Variants in MOXD1 observed in about 807,000 individuals in gnomAD.
The protein encoded by MOXD1 is DBH-like monooxygenase protein 1.
In MOXD1, 62 loss-of-function variants were observed where a neutral mutation model predicts 66.6. The observed-to-expected ratio is 0.93, with a 90% CI of 0.76 to 1.15. MOXD1 has a LOEUF of 1.15. Among genes scored for constraint, MOXD1 ranks in the 50% most tolerant of loss-of-function variants. MOXD1 has a pLI of 0.00. For missense variants in MOXD1, 847 were observed against 754.6 expected (o/e 1.12, Z -1.44); for synonymous variants, 303 against 281.9 (o/e 1.07, Z -0.75).
At chr6:132,358,368 C>T (rs1168834366) in intron 4 of MOXD1, among the ~76,000 whole-genome samples, 1 of 152,180 alleles carries the variant, frequency 6.6e-6, no homozygotes, top group Non-Finnish European at 1.5e-5. Context: ...TTAAACAAGG[C>T]TAGGTTCCCA....
At chr6:132,356,599 A>G (rs1244103983) in intron 4 of MOXD1, among the ~76,000 whole-genome samples, 1 of 152,204 alleles carries the variant, frequency 6.6e-6, no homozygotes, top group African/African-American at 2.4e-5. Context: ...TGGTAGCAAA[A>G]AGCTTACAAC....
At chr6:132,332,313 C>T (rs755677014) in intron 4 of MOXD1, among the ~76,000 whole-genome samples, 4 of 151,502 alleles carry the variant, frequency 2.6e-5, no homozygotes, top group African/African-American at 4.9e-5. Flanking sequence ...GTACTGATCA[C>T]GGGAGGAGAG....
chr6:132,377,366 A>G (rs1298055609), intron 1 of MOXD1, among the ~76,000 whole-genome samples: 1 of 152,218 alleles, frequency 6.6e-6, no homozygotes, highest in Non-Finnish European at 1.5e-5. Context: ...ATTTCATTAC[A>G]TGATCCAAGC....
chr6:132,367,565 C>G (rs1020042462), intron 4 of MOXD1, among the ~76,000 whole-genome samples: 1 of 152,048 alleles, frequency 6.6e-6, no homozygotes, highest in African/African-American at 2.4e-5. Context: ...AAGCCTGATA[C>G]TGCATCCTTT....
At chr6:132,322,136 C>T (rs1358464333) in intron 8 of MOXD1, among the ~76,000 whole-genome samples, 2 of 152,182 alleles carry the variant, frequency 1.3e-5, no homozygotes, top group Admixed American at 6.5e-5. Context: ...AGCATTATAA[C>T]CTTTTTAAAG....
chr6:132,381,668 G>C (rs546569031), intron 1 of MOXD1, among the ~76,000 whole-genome samples: 5 of 152,198 alleles, frequency 3.3e-5, no homozygotes, highest in East Asian at 3.9e-4. Context: ...GTCTGACAAA[G>C]GGATAAATGT....
intron 10 of MOXD1, among the ~76,000 whole-genome samples, chr6:132,307,053 C>A (rs1309199969): frequency 1.3e-5 from 2 of 151,994 alleles, no homozygotes; most frequent in Non-Finnish European, 2.9e-5. Flanking sequence ...GCTAAAGGCC[C>A]CAATTAAAAG....
chr6:132,361,644 A>T (rs1776020520), intron 4 of MOXD1, among the ~76,000 whole-genome samples: 1 of 152,126 alleles, frequency 6.6e-6, no homozygotes, highest in Non-Finnish European at 1.5e-5. Context: ...CTTTTCCCAA[A>T]ACACAGCAAC....
chr6:132,297,596 A>T (rs925452225), intron 11 of MOXD1, among the ~76,000 whole-genome samples, 191 bp downstream of exon 11: 1 of 152,150 alleles, frequency 6.6e-6, no homozygotes, highest in African/African-American at 2.4e-5. Flanking sequence ...TTTAGAACTA[A>T]TTTTTCTCTT....
At chr6:132,354,878 T>C (rs905161233) in intron 4 of MOXD1, among the ~76,000 whole-genome samples, 1 of 152,134 alleles carries the variant, frequency 6.6e-6, no homozygotes, top group African/African-American at 2.4e-5. Flanking sequence ...TGGAGTCATC[T>C]ACCTAGGAGG....
intron 4 of MOXD1, among the ~76,000 whole-genome samples, chr6:132,370,209 A>G (rs1477631261): frequency 6.6e-6 from 1 of 152,076 alleles, no homozygotes; most frequent in Non-Finnish European, 1.5e-5. Context: ...GGAGTCTTTG[A>G]TTTTATGGAA....
rs1161446138 is a variant in MOXD1, at chr6:132,324,060, T to C, written c.984A>G (p.Thr328=). Residue 328 remains threonine (T), a synonymous_variant, in exon 7 of 12, where the codon ACA becomes ACG. Transcript: ENST00000367963. ...IDNSGLRLFY[T]MDIRKYDAGV... ...CAGCATCATATTTCCTTATATCCAT[T>C]GTGTAAAATAACCTCAGTCCAGAAT... 2 of 1,613,660 alleles carry C rather than the reference T, an allele frequency of 1.2e-6. No individual in the cohort carries two copies. The highest frequency in any genetic ancestry group is 1.7e-5 in the Admixed American group (1 of 59,972).
At chr6:132,381,306 C>T (rs1346665158) in intron 1 of MOXD1, among the ~76,000 whole-genome samples, 1 of 152,052 alleles carries the variant, frequency 6.6e-6, no homozygotes, top group Admixed American at 6.5e-5. Context: ...CAAAGTATTC[C>T]CCAGTAGTAC....
Position 132,324,009 on chromosome 6 carries a change from C to T in MOXD1, c.1035G>A (p.Val345=), listed in dbSNP as rs1338588619. 4 of 1,613,858 alleles carry T rather than the reference C, an allele frequency of 2.5e-6. No individual in the cohort carries two copies. The highest frequency in any genetic ancestry group is 1.7e-5 in the Admixed American group (1 of 60,022). ...DAGVIEAGLW[V]SLFHTIPPGM... ...CTGGAGGGATGGTATGGAAGAGGCT[C>T]ACCCAGAGGCCAGCCTCAATCACCC... Residue 345 remains valine, a synonymous_variant, in exon 7 of 12, where the codon GTG becomes GTA. Transcript: ENST00000367963.
At chr6:132,400,265 T>C (rs1381015210) in intron 1 of MOXD1, among the ~76,000 whole-genome samples, 2 of 152,164 alleles carry the variant, frequency 1.3e-5, no homozygotes, top group Non-Finnish European at 2.9e-5. Context: ...GATCAAGACT[T>C]TTAGCAAAGG....
intron 10 of MOXD1, among the ~76,000 whole-genome samples, chr6:132,309,467 C>T (rs117688004): frequency 0.018 from 2,762 of 152,114 alleles, 40 homozygotes; most frequent in Non-Finnish European, 0.029. Context: ...ATAGATTCAA[C>T]GCTATTTCCA....
chr6:132,321,454 G>A (rs574537934), intron 8 of MOXD1, among the ~76,000 whole-genome samples: 4 of 152,006 alleles, frequency 2.6e-5, no homozygotes, highest in Non-Finnish European at 5.9e-5. Context: ...CAATAGAATC[G>A]TGAGGCAAAT....
intron 10 of MOXD1, among the ~76,000 whole-genome samples, chr6:132,301,857 C>G (rs185445394): frequency 6.0e-4 from 92 of 152,092 alleles, no homozygotes; most frequent in South Asian, 2.1e-3. Flanking sequence ...ACTATGATCC[C>G]CAAAAGGAAG....
intron 1 of MOXD1, chr6:132,392,342 C>G: frequency 1.3e-6 from 2 of 1,555,174 alleles, no homozygotes; most frequent in Non-Finnish European, 1.7e-6. Flanking sequence ...CATTCACCAG[C>G]GATTTATACC....
Sources: allele counts gnomAD v4.1 joint callset (sites outside exome capture counted in the v4.1 genomes callset), GRCh38; gene constraint gnomAD v4.1.1; transcripts MANE v1.5; gene names NCBI Gene and HGNC (gene_info 2026-07-23, HGNC 2026-07-21).